The following GRIK2 variants were observed in gnomAD, a reference collection of about 807,000 sequenced individuals.
GRIK2 encodes the protein glutamate ionotropic receptor kainate type subunit 2.
A neutral mutation model predicts 100.3 loss-of-function variants in GRIK2; 32 were observed. That is an observed-to-expected ratio of 0.32 (90% CI 0.24 to 0.43). GRIK2 has a LOEUF of 0.43. Among genes scored for constraint, GRIK2 ranks in the 20% least tolerant of loss-of-function variants. The pLI, the probability that GRIK2 is intolerant of heterozygous loss-of-function variation, is 1.00. For synonymous variants in GRIK2, 417 were observed against 389.4 expected, an observed-to-expected ratio of 1.07 and a Z score of -0.83; for missense variants, 843 against 1,114.9, an observed-to-expected ratio of 0.76 and a Z score of 3.47.
chr6:101,916,752 C>T (rs1417734876), intron 12 of GRIK2, among the ~76,000 whole-genome samples: 3 of 151,572 alleles, frequency 2.0e-5, no homozygotes, highest in African/African-American at 7.3e-5. Context: ...CAGAATGAGA[C>T]AATATAGCTA....
chr6:101,836,661 ATTTT>A (rs1194200766), intron 10 of GRIK2, among the ~76,000 whole-genome samples: 1,224 of 57,756 alleles, frequency 0.021, 17 homozygotes, highest in African/African-American at 0.09. Context: ...ATATATATAT[ATTTT>A]TTTTTTTTTT....
At chr6:101,419,159 C>A (rs534602436) in intron 2 of GRIK2, among the ~76,000 whole-genome samples, 8 of 152,232 alleles carry the variant, frequency 5.3e-5, no homozygotes, top group Admixed American at 5.2e-4. Context: ...GAGGCACGAG[C>A]AGGTTTTATT....
chr6:101,861,413 T>C (rs555381509), intron 11 of GRIK2, among the ~76,000 whole-genome samples: 1 of 152,270 alleles, frequency 6.6e-6, no homozygotes, highest in Non-Finnish European at 1.5e-5. Context: ...GAGATCAGTA[T>C]TAAGTTTTAG....
At chr6:101,569,923 A>C (rs1384477496) in intron 2 of GRIK2, among the ~76,000 whole-genome samples, 6 of 152,122 alleles carry the variant, frequency 3.9e-5, no homozygotes, top group Admixed American at 3.9e-4. Context: ...TAGTACATTG[A>C]GTTTAACACA....
At chr6:101,551,957 C>A (rs1291277657) in intron 2 of GRIK2, among the ~76,000 whole-genome samples, 1 of 152,094 alleles carries the variant, frequency 6.6e-6, no homozygotes, top group African/African-American at 2.4e-5. Context: ...TAGTGCTGAC[C>A]TAAGGCAGTA....
intron 2 of GRIK2, among the ~76,000 whole-genome samples, chr6:101,596,288 C>A (rs186038293): frequency 5.6e-4 from 84 of 149,272 alleles, no homozygotes; most frequent in African/African-American, 1.9e-3. Flanking sequence ...CAGGATTCAG[C>A]TAATTTTTTC....
intron 2 of GRIK2, among the ~76,000 whole-genome samples, chr6:101,618,308 G>C (rs1024547654): frequency 6.6e-6 from 1 of 151,232 alleles, no homozygotes; most frequent in Non-Finnish European, 1.5e-5. Context: ...TATGGATTCT[G>C]TGTTCTACTT....
chr6:101,425,821 C>T (rs1225089567), intron 2 of GRIK2, among the ~76,000 whole-genome samples: 2 of 152,232 alleles, frequency 1.3e-5, no homozygotes, highest in African/African-American at 2.4e-5. Context: ...ACTCCTTTTG[C>T]GTTATTCCTG....
intron 9 of GRIK2, among the ~76,000 whole-genome samples, chr6:101,815,006 C>CT (rs1193085359): frequency 6.6e-6 from 1 of 152,162 alleles, no homozygotes; most frequent in Non-Finnish European, 1.5e-5. Flanking sequence ...GAAGTAGATA[C>CT]TATTATTTCC....
intron 12 of GRIK2, among the ~76,000 whole-genome samples, chr6:101,912,099 CAAACACACACACAGAG>C (rs1788751363): frequency 2.3e-5 from 2 of 86,918 alleles, no homozygotes; most frequent in East Asian, 2.6e-4. Flanking sequence ...CACACACACA[CAAACACACACACAGAG>C]ACCGAGAGAG....
At chr6:101,425,999 C>T (rs1052193709) in intron 2 of GRIK2, among the ~76,000 whole-genome samples, 7 of 152,208 alleles carry the variant, frequency 4.6e-5, no homozygotes, top group Admixed American at 1.3e-4. Context: ...TTCTTTCAGA[C>T]TTGAAAGCTT....
intron 12 of GRIK2, among the ~76,000 whole-genome samples, chr6:101,898,268 G>GA (rs991483841): frequency 3.3e-5 from 5 of 151,576 alleles, no homozygotes; most frequent in African/African-American, 1.2e-4. Context: ...TGACACTAAA[G>GA]AAAAAATAAA....
intron 7 of GRIK2, among the ~76,000 whole-genome samples, chr6:101,762,596 C>T (rs1296660925): frequency 6.6e-6 from 1 of 152,152 alleles, no homozygotes. Flanking sequence ...CAGTGAATGA[C>T]TTAGGCTCTT....
At chr6:101,576,069 CAT>C (rs1277950230) in intron 2 of GRIK2, among the ~76,000 whole-genome samples, 1 of 151,924 alleles carries the variant, frequency 6.6e-6, no homozygotes, top group East Asian at 1.9e-4. Context: ...ATTATATTAT[CAT>C]ATTATGATAT....
rs897995082 is a variant in GRIK2, at chr6:101,690,094, A to G, written c.951+3741A>G. 3.3e-5 allele frequency among the ~76,000 whole-genome samples: 5 copies of G among 152,266 alleles called. No homozygotes were observed. In the South Asian group the frequency reaches 1.0e-3, roughly 32 times the overall value. ...TTTACAGCAATTTCAGGTAAAGACA[A>G]ACACCTCAGAGTACATTTTAAACAG... On this transcript the variant is annotated intron_variant, in intron 7 of 16. Transcript: ENST00000369134.
At chr6:101,396,684 TGTTA>T (rs936452902) in intron 1 of GRIK2, among the ~76,000 whole-genome samples, 108 of 152,300 alleles carry the variant, frequency 7.1e-4, no homozygotes, top group African/African-American at 2.5e-3. Context: ...TCAAATATCA[TGTTA>T]GTTATTTATT....
At chr6:101,865,678 G>A (rs909797627) in intron 11 of GRIK2, among the ~76,000 whole-genome samples, 2 of 152,080 alleles carry the variant, frequency 1.3e-5, no homozygotes, top group Non-Finnish European at 2.9e-5. Flanking sequence ...CCTGAGGTTA[G>A]GAGTTCAAGA....
intron 14 of GRIK2, among the ~76,000 whole-genome samples, chr6:102,001,181 CTTTAT>C: frequency 7.9e-6 from 1 of 125,984 alleles, no homozygotes; most frequent in Non-Finnish European, 1.7e-5. Flanking sequence ...CATTCTTCTT[CTTTAT>C]TTTTTTTTTT....
chr6:101,556,915 T>C (rs936912911), intron 2 of GRIK2, among the ~76,000 whole-genome samples: 1 of 152,174 alleles, frequency 6.6e-6, no homozygotes, highest in African/African-American at 2.4e-5. Context: ...TACTTTACAA[T>C]GGATTAGAGT....
Sources: allele counts gnomAD v4.1 joint callset (sites outside exome capture counted in the v4.1 genomes callset), GRCh38; gene constraint gnomAD v4.1.1; transcripts MANE v1.5; gene names NCBI Gene and HGNC (gene_info 2026-07-23, HGNC 2026-07-21).